The following TTC28 variants were observed in gnomAD, a reference collection of about 807,000 sequenced individuals.
The protein encoded by TTC28 is tetratricopeptide repeat protein 28.
Under a neutral mutation model 198.0 loss-of-function variants are expected in TTC28, and 61 were observed. The observed-to-expected ratio is 0.31, with a 90% confidence interval of 0.25 to 0.38. The LOEUF (loss-of-function observed/expected upper bound fraction) is 0.38. Ranked by LOEUF, TTC28 falls within the 10% of genes least tolerant of loss-of-function variation. The pLI is 1.00. For missense variants in TTC28, 2,678 were observed against 3,164.0 expected, an observed-to-expected ratio of 0.85 and a Z score of 3.69; for synonymous variants, 1,171 against 1,297.8, an observed-to-expected ratio of 0.90 and a Z score of 2.10.
chr22:28,085,352 A>C (rs1941543258), intron 12 of TTC28, among the ~76,000 whole-genome samples: 2 of 152,186 alleles, frequency 1.3e-5, no homozygotes, highest in South Asian at 4.1e-4. Context: ...GTGGGGGCCA[A>C]TATTCAACAT....
At chr22:28,583,285 T>C (rs1044497481) in intron 2 of TTC28, among the ~76,000 whole-genome samples, 6 of 152,180 alleles carry the variant, frequency 3.9e-5, no homozygotes, top group African/African-American at 7.2e-5. Flanking sequence ...GCAGGATAAA[T>C]AGAAACTGAA....
intron 5 of TTC28, among the ~76,000 whole-genome samples, chr22:28,193,830 GAAT>G (rs1399393305): frequency 6.6e-6 from 1 of 151,950 alleles, no homozygotes; most frequent in Non-Finnish European, 1.5e-5. Flanking sequence ...TCCCACGCAA[GAAT>G]AATGAGAGAC....
intron 12 of TTC28, among the ~76,000 whole-genome samples, chr22:28,083,751 C>A (rs762182305): frequency 3.3e-5 from 5 of 152,216 alleles, no homozygotes; most frequent in African/African-American, 4.8e-5. Flanking sequence ...TCAGGGAATT[C>A]CCTTTCCTAG....
intron 2 of TTC28, among the ~76,000 whole-genome samples, chr22:28,470,533 C>T (rs1461590875): frequency 6.6e-6 from 1 of 152,136 alleles, no homozygotes; most frequent in South Asian, 2.1e-4. Flanking sequence ...CAAATTTCTA[C>T]CATAGGAGTC....
chr22:28,220,320 A>G (rs1303397462), intron 5 of TTC28, among the ~76,000 whole-genome samples: 1 of 152,188 alleles, frequency 6.6e-6, no homozygotes, highest in African/African-American at 2.4e-5. Flanking sequence ...GCTTAAAATA[A>G]CACCCATTTA....
intron 2 of TTC28, among the ~76,000 whole-genome samples, chr22:28,340,321 T>C (rs1255373747): frequency 6.6e-6 from 1 of 152,104 alleles, no homozygotes; most frequent in African/African-American, 2.4e-5. Flanking sequence ...TTGCCTTTAA[T>C]TATTTATAGA....
intron 14 of TTC28, among the ~76,000 whole-genome samples, chr22:28,010,732 C>T (rs1234887060): frequency 6.6e-6 from 1 of 152,198 alleles, no homozygotes; most frequent in Non-Finnish European, 1.5e-5. Flanking sequence ...TCCTCGGGAA[C>T]AGGCCCAGCC....
intron 6 of TTC28, among the ~76,000 whole-genome samples, chr22:28,158,737 C>G (rs1465176514): frequency 1.3e-5 from 2 of 152,164 alleles, no homozygotes; most frequent in Admixed American, 1.3e-4. Context: ...AGACCCCTAT[C>G]CCTTGTCGTA....
intron 5 of TTC28, among the ~76,000 whole-genome samples, chr22:28,227,055 G>T (rs1928398993): frequency 6.6e-6 from 1 of 152,076 alleles, no homozygotes; most frequent in African/African-American, 2.4e-5. Flanking sequence ...TTCTCAAGTA[G>T]CTGGGACTAC....
rs117623628 is a variant in TTC28, at chr22:28,386,473, T to C, written c.382-79830A>G. ...ATCCTTGGCATTCAGAAAGAGTCTG[T>C]TGAATTAAATGAATTAAATTTAATT... On this transcript the variant is annotated intron_variant, in intron 2 of 22. Transcript: ENST00000397906. Among the ~76,000 whole-genome samples, 828 of 152,208 alleles carry C rather than the reference T, an allele frequency of 5.4e-3. 20 individuals carry two copies. Among genetic ancestry groups the C allele is most frequent in the Admixed American group, 0.037 (569 of 15,284 alleles).
At chr22:28,201,325 C>T (rs963886304) in intron 5 of TTC28, among the ~76,000 whole-genome samples, 3 of 152,220 alleles carry the variant, frequency 2.0e-5, no homozygotes, top group Admixed American at 6.5e-5. Context: ...AGAGCACAGA[C>T]TTCAAACACG....
chr22:28,257,532 G>A (rs1280763725), intron 5 of TTC28, among the ~76,000 whole-genome samples: 1 of 151,840 alleles, frequency 6.6e-6, no homozygotes, highest in Non-Finnish European at 1.5e-5. Context: ...TCATTCATAT[G>A]TGGGAGCTAT....
At chr22:28,389,240 T>C (rs1310927905) in intron 2 of TTC28, among the ~76,000 whole-genome samples, 1 of 152,222 alleles carries the variant, frequency 6.6e-6, no homozygotes, top group Non-Finnish European at 1.5e-5. Flanking sequence ...TGGATTCGGT[T>C]TGCCAGTATT....
chr22:28,598,383 C>T (rs187650595), intron 2 of TTC28, among the ~76,000 whole-genome samples: 167 of 151,782 alleles, frequency 1.1e-3, no homozygotes, highest in African/African-American at 3.8e-3. Flanking sequence ...GTGGTGGGCA[C>T]CTGTAGTCCC....
chr22:28,504,671 T>A (rs1192716737), intron 2 of TTC28, among the ~76,000 whole-genome samples: 1 of 152,106 alleles, frequency 6.6e-6, no homozygotes, highest in Non-Finnish European at 1.5e-5. Flanking sequence ...CAACATAACA[T>A]TTTTCTGATG....
At chr22:28,337,251 T>C (rs1485204079) in intron 2 of TTC28, among the ~76,000 whole-genome samples, 1 of 152,252 alleles carries the variant, frequency 6.6e-6, no homozygotes, top group Non-Finnish European at 1.5e-5. Context: ...AGGAGTGCTT[T>C]ACTGCCAACT....
chr22:28,297,518 T>C (rs1467778473), intron 4 of TTC28, 62 bp downstream of exon 4: 2 of 1,505,776 alleles, frequency 1.3e-6, no homozygotes, highest in Non-Finnish European at 8.9e-7. Context: ...TTCTCATTCA[T>C]GTCATGTTAC....
Position 28,080,585 on chromosome 22 carries a change from G to T in TTC28, c.3932+13495C>A, listed in dbSNP as rs147786251. Among the ~76,000 whole-genome samples the T allele has an allele frequency of 2.2e-3, 328 of 152,028 alleles. 3 individuals carry two copies. The highest frequency in any genetic ancestry group is 7.5e-3 in the African/African-American group (311 of 41,442). On this transcript the variant is annotated intron_variant, in intron 12 of 22. Transcript: ENST00000397906. Reference sequence around the variant, plus strand: ...GTTGTAGGAGTTTTTATATATTCTGGATATTATCAGATACATGGTTTGCAA... The same window carrying T: ...GTTGTAGGAGTTTTTATATATTCTGTATATTATCAGATACATGGTTTGCAA...
chr22:28,614,781 A>G (rs1293531527), intron 2 of TTC28, among the ~76,000 whole-genome samples: 1 of 152,214 alleles, frequency 6.6e-6, no homozygotes, highest in East Asian at 1.9e-4. Context: ...TACACCTTAT[A>G]CAAAAATTAA....
Sources: allele counts gnomAD v4.1 joint callset (sites outside exome capture counted in the v4.1 genomes callset), GRCh38; gene constraint gnomAD v4.1.1; transcripts MANE v1.5; gene names NCBI Gene and HGNC (gene_info 2026-07-23, HGNC 2026-07-21).